The following PLEKHM2 variants were observed in gnomAD, a reference collection of about 807,000 sequenced individuals.
The protein encoded by PLEKHM2 is pleckstrin homology and RUN domain containing M2, also known as pleckstrin homology domain-containing family M member 2.
Under a neutral mutation model 116.3 loss-of-function variants are expected in PLEKHM2, and 77 were observed. That is an observed-to-expected ratio of 0.66 (90% CI 0.55 to 0.80). PLEKHM2 has a LOEUF of 0.80. PLEKHM2 is among the 30% of genes least tolerant of loss of function. PLEKHM2 has a pLI of 0.00. For missense variants in PLEKHM2, 1,183 were observed against 1,354.9 expected, an observed-to-expected ratio of 0.87 and a Z score of 1.99; for synonymous variants, 562 against 571.0, an observed-to-expected ratio of 0.98 and a Z score of 0.22.
chr1:15,712,740 A>G (rs1641360284), intron 1 of PLEKHM2, among the ~76,000 whole-genome samples: 1 of 32,568 alleles, frequency 3.1e-5, no homozygotes. Context: ...TCCTGGGCTC[A>G]AGGGATACCT....
intron 1 of PLEKHM2, 23 bp downstream of exon 1, chr1:15,684,641 C>A: frequency 8.0e-7 from 1 of 1,245,878 alleles, no homozygotes; most frequent in Non-Finnish European, 1.0e-6. Context: ...TCCCTCCCGG[C>A]CGGGGCCCCT....
upstream of PLEKHM2, among the ~76,000 whole-genome samples, chr1:15,682,624 CAAACA>C (rs1157461287): frequency 6.0e-5 from 4 of 66,282 alleles, no homozygotes; most frequent in African/African-American, 1.3e-4. Context: ...GTCTCAAAAA[CAAACA>C]AAACAAAACA....
In PLEKHM2 at chr1:15,727,431, C is replaced by T; in HGVS notation, c.1359C>T (p.Asp453=). The T allele has an allele frequency of 6.2e-7, 1 of 1,606,592 alleles. No homozygotes were observed. Among genetic ancestry groups the T allele is most frequent in the Non-Finnish European group, 8.5e-7 (1 of 1,177,278 alleles). The change falls in exon 9 of 20, where the codon GAC becomes GAT. Residue 453 remains aspartate, a synonymous_variant. Coordinates refer to ENST00000375799, the MANE Select transcript of PLEKHM2 (RefSeq NM_015164.4). This position sits in a 1 kb window ranked among gnomAD's most constrained non-coding sequence, Gnocchi z 7.5. ...GDAPERPPLC[D]FSEGLSAPMD... is the part of the protein sequence containing the mutation. Reference sequence around the variant, plus strand: ...CCCCGGAGAGGCCGCCGCTTTGCGACTTTAGTGAGGGGCTTTCAGCCCCAA... The same window carrying T: ...CCCCGGAGAGGCCGCCGCTTTGCGATTTTAGTGAGGGGCTTTCAGCCCCAA...
chr1:15,701,367 A>C (rs1458980283), intron 1 of PLEKHM2, among the ~76,000 whole-genome samples: 1 of 151,696 alleles, frequency 6.6e-6, no homozygotes, highest in Non-Finnish European at 1.5e-5. Flanking sequence ...TGGGAGGCGG[A>C]GGTTGCAGTG....
In PLEKHM2 at chr1:15,718,591, C is replaced by A; in HGVS notation, c.431C>A (p.Ser144Tyr). The A allele has an allele frequency of 6.4e-7, 1 of 1,558,022 alleles. No homozygotes were observed. Among genetic ancestry groups the A allele is most frequent in the East Asian group, 2.4e-5 (1 of 41,620 alleles). Residue 144 changes from serine (S) to tyrosine (Y), a missense_variant, in exon 5 of 20, where the codon TCC (serine) becomes TAC (tyrosine). By Grantham distance (144) the Ser-to-Tyr change is moderately radical. Coordinates refer to ENST00000375799, the MANE Select transcript of PLEKHM2 (RefSeq NM_015164.4). ...DHLTLFLTLVSGLEFIRFELD... is the reference protein window; with the variant it reads ...DHLTLFLTLVYGLEFIRFELD... Reference sequence around the variant, plus strand: ...CTGACGCTCTTCCTGACCTTGGTGTCCGGGCTAGAGTTCATTCGTTTCGAG... The same window carrying A: ...CTGACGCTCTTCCTGACCTTGGTGTACGGGCTAGAGTTCATTCGTTTCGAG...
At chr1:15,723,660 AC>A (rs2068022978) in intron 7 of PLEKHM2, among the ~76,000 whole-genome samples, 3 of 149,986 alleles carry the variant, frequency 2.0e-5, no homozygotes, top group African/African-American at 4.9e-5. Context: ...CAGGAGGATC[AC>A]TTGAACCCAG....
chr1:15,685,557 A>AAAAAAAAAAG (rs1553157089), intron 1 of PLEKHM2, among the ~76,000 whole-genome samples: 7 of 147,930 alleles, frequency 4.7e-5, no homozygotes, highest in African/African-American at 1.6e-4. Flanking sequence ...AAAAAAAAAA[A>AAAAAAAAAAG]AAAGAAAGAA....
chr1:15,712,325 AT>A (rs1229381556), intron 1 of PLEKHM2, among the ~76,000 whole-genome samples: 1 of 152,154 alleles, frequency 6.6e-6, no homozygotes, highest in Non-Finnish European at 1.5e-5. Flanking sequence ...AATTAGACTA[AT>A]TATATGCAGT....
rs1252656161 is a variant in PLEKHM2, at chr1:15,717,939, C to T, written c.324C>T (p.Ser108=). 1 of 1,600,990 alleles carries T rather than the reference C, an allele frequency of 6.2e-7. No homozygotes were observed. Among genetic ancestry groups the T allele is most frequent in the African/African-American group, 1.3e-5 (1 of 74,840 alleles). ...YLALNENSLE[S]YLRLFQENLG... ...CCCTCAACGAGAACTCCTTGGAGAG[C>T]TACCTGCGGTTGTTCCAGGAGAACC... The change falls in exon 4 of 20, where the codon AGC becomes AGT. Residue 108 remains serine, a synonymous_variant. Coordinates refer to ENST00000375799, the MANE Select transcript of PLEKHM2 (RefSeq NM_015164.4).
In PLEKHM2 at chr1:15,732,157, A is replaced by T. The variant is rs540496377; in HGVS notation, c.2625+109A>T. 2.2e-4 allele frequency: 250 copies of T among 1,119,338 alleles called. 1 individual carries two copies. In the East Asian group the frequency reaches 6.4e-3, roughly 29 times the overall value. 69.3% of individuals were successfully genotyped at this position (1,119,338 alleles called of 1,614,324 possible). On this transcript the variant is annotated intron_variant, in intron 17 of 19. Coordinates refer to ENST00000375799, the MANE Select transcript of PLEKHM2 (RefSeq NM_015164.4). ...CAGAGCAACCTGAGGGCCAAGACGG[A>T]CCTCCAGGGGGCAGCCCAGGAATGG...
intron 1 of PLEKHM2, among the ~76,000 whole-genome samples, chr1:15,698,541 C>CTTTTTT (rs1249746368): frequency 2.2e-5 from 3 of 139,028 alleles, no homozygotes; most frequent in African/African-American, 8.7e-5. Context: ...TTCTTTCTTT[C>CTTTTTT]TTTCTTTCTT....
At chr1:15,720,152 A>T (rs954818961) in intron 6 of PLEKHM2, among the ~76,000 whole-genome samples, 2 of 146,808 alleles carry the variant, frequency 1.4e-5, no homozygotes, top group South Asian at 2.1e-4. Flanking sequence ...ATATATATAA[A>T]ATATATATTT....
At position 15,730,633 on chromosome 1, in the gene PLEKHM2, C is replaced by A; in HGVS notation, c.2310C>A (p.Gly770=). 1 of 1,609,320 alleles carries A rather than the reference C, an allele frequency of 6.2e-7. No homozygotes were observed. Among genetic ancestry groups the A allele is most frequent in the South Asian group, 1.1e-5 (1 of 89,948 alleles). ...CCTGCCACTGCTCACCCCCCGAGGG[C>A]ACCATCACCAAAGAAGGCATGCTGC... ...PTPCHCSPPE[G]TITKEGMLHY... Residue 770 remains glycine (G), a synonymous_variant, in exon 15 of 20, where the codon GGC becomes GGA. Coordinates refer to ENST00000375799, the MANE Select transcript of PLEKHM2 (RefSeq NM_015164.4).
chr1:15,730,241 G>A (rs949501318), intron 14 of PLEKHM2, among the ~76,000 whole-genome samples: 2 of 152,220 alleles, frequency 1.3e-5, no homozygotes, highest in African/African-American at 4.8e-5. Flanking sequence ...AGGAGTTCGA[G>A]ACCCGCCTCG....
At position 15,719,833 on chromosome 1, in the gene PLEKHM2, TCAGA is replaced by T. The variant is rs1460911923; in HGVS notation, c.569_572del (p.Asp190ValfsTer65). ...CCGCCTTCCCAGCTCGGTCCACGGCTCAGACAGTCTGTCCCTCAACTCTTTCAAC... is the reference window on the plus strand; with the variant it reads ...CCGCCTTCCCAGCTCGGTCCACGGCTCAGTCTGTCCCTCAACTCTTTCAAC... On this transcript the variant is annotated frameshift_variant, in exon 6 of 20. Transcript: ENST00000375799. LOFTEE classifies it high-confidence loss of function. This position sits in a 1 kb window ranked among gnomAD's most constrained non-coding sequence, Gnocchi z 4.1. The T allele has an allele frequency of 3.7e-6, 6 of 1,613,848 alleles. No individual in the cohort carries two copies. Among genetic ancestry groups the T allele is most frequent in the Non-Finnish European group, 2.5e-6 (3 of 1,179,830 alleles).
rs546003705 is a variant in PLEKHM2 at position 15,701,652 on chromosome 1, G to C, written c.61-14585G>C. On this transcript the variant is annotated intron_variant, in intron 1 of 19. Coordinates refer to ENST00000375799, the MANE Select transcript of PLEKHM2 (RefSeq NM_015164.4). ...AAAATACAAAAAAAATTAGCTGGAC[G>C]TGGTGGCGGGCGCCTGTAGTCCCAG... is the stretch of plus-strand genomic sequence containing the variant. Among the ~76,000 whole-genome samples, 996 of 151,586 alleles carry C rather than the reference G, an allele frequency of 6.6e-3. 11 individuals carry two copies. The highest frequency in any genetic ancestry group is 8.6e-3 in the Non-Finnish European group (585 of 67,886).
rs964951697 is a variant in PLEKHM2, at chr1:15,727,470, C to T, written c.1398C>T (p.Arg466=). The T allele has an allele frequency of 1.9e-6, 3 of 1,602,026 alleles. No homozygotes were observed. The highest frequency in any genetic ancestry group is 2.6e-6 in the Non-Finnish European group (3 of 1,174,996). Residue 466 remains arginine (R), a synonymous_variant, in exon 9 of 20, where the codon CGC becomes CGT. Coordinates refer to ENST00000375799, the MANE Select transcript of PLEKHM2 (RefSeq NM_015164.4). The surrounding 1 kb of genome is among the most constrained non-coding windows in gnomAD (Gnocchi z 7.5). ...EGLSAPMDFY[R]FTVESPSTVT... ...TTTCAGCCCCAATGGACTTCTACCG[C>T]TTTACCGTCGAGAGTCCAAGCACTG...
At chr1:15,696,020 G>A (rs1485684920) in intron 1 of PLEKHM2, among the ~76,000 whole-genome samples, 2 of 144,914 alleles carry the variant, frequency 1.4e-5, no homozygotes, top group Non-Finnish European at 3.0e-5. Context: ...TTGCCATGTC[G>A]CCTAGGCTGC....
chr1:15,693,702 G>GT (rs1258436383), intron 1 of PLEKHM2, among the ~76,000 whole-genome samples: 1 of 152,194 alleles, frequency 6.6e-6, no homozygotes, highest in Non-Finnish European at 1.5e-5. Flanking sequence ...GGAGCCCAGT[G>GT]TGAAAAGAAA....
Sources: allele counts gnomAD v4.1 joint callset (sites outside exome capture counted in the v4.1 genomes callset), GRCh38; gene constraint gnomAD v4.1.1; non-coding constraint Gnocchi (gnomAD v3.1); transcripts MANE v1.5; gene names NCBI Gene and HGNC (gene_info 2026-07-23, HGNC 2026-07-21).